Variants in STOM observed in about 807,000 individuals in gnomAD.
STOM encodes erythrocyte band 7 integral membrane protein.
A neutral mutation model predicts 30.6 loss-of-function variants in STOM; 25 were observed. The ratio of observed to expected loss-of-function variants is 0.82; its 90% confidence interval spans 0.60 to 1.14. The LOEUF (loss-of-function observed/expected upper bound fraction) is 1.14. Ranked by LOEUF, STOM falls within the 50% of genes most tolerant of loss-of-function variation. STOM has a pLI of 0.00. For missense variants in STOM, 292 were observed against 365.2 expected, an observed-to-expected ratio of 0.80 and a Z score of 1.63; for synonymous variants, 118 against 130.8, an observed-to-expected ratio of 0.90 and a Z score of 0.67.
At chr9:121,357,693 C>T (rs1263264001) in intron 1 of STOM, among the ~76,000 whole-genome samples, 2 of 151,900 alleles carry the variant, frequency 1.3e-5, no homozygotes, top group Non-Finnish European at 2.9e-5. Flanking sequence ...CCACCATGGC[C>T]TTCCAAAGTG....
chr9:121,364,757 A>G (rs959208828), intron 1 of STOM, among the ~76,000 whole-genome samples: 1 of 152,214 alleles, frequency 6.6e-6, no homozygotes, highest in Non-Finnish European at 1.5e-5. Flanking sequence ...GAGCAACAGC[A>G]ATAATTTTAA....
chr9:121,355,249 A>T (rs989243934), intron 2 of STOM, among the ~76,000 whole-genome samples: 3 of 130,084 alleles, frequency 2.3e-5, no homozygotes, highest in African/African-American at 5.9e-5. Context: ...AAAAAAAAAA[A>T]ATAATAATAA....
Position 121,339,457 on chromosome 9 carries a change from G to T in STOM, c.*1745C>A. 1 of 1,059,284 alleles carries T rather than the reference G, an allele frequency of 9.4e-7. No individual in the cohort carries two copies. Among genetic ancestry groups the T allele is most frequent in the Non-Finnish European group, 1.2e-6 (1 of 834,762 alleles). 65.6% of individuals were successfully genotyped at this position (1,059,284 alleles called of 1,614,324 possible). ...ATACCTCTAATAAACTCAGCTAGGAGCCAGGATACATGGTAGTTCAAGGCT... is the reference window on the plus strand; with the variant it reads ...ATACCTCTAATAAACTCAGCTAGGATCCAGGATACATGGTAGTTCAAGGCT... On this transcript the variant is annotated 3_prime_UTR_variant, in exon 7 of 7. Coordinates refer to ENST00000286713, the MANE Select transcript of STOM (RefSeq NM_004099.6).
At chr9:121,354,808 A>C (rs1461130628) in intron 2 of STOM, 135 bp from the exon 3 acceptor site, 8 of 585,918 alleles carry the variant, frequency 1.4e-5, no homozygotes, top group Admixed American at 3.4e-5. Context: ...TCATATCTAT[A>C]AATCACATGT....
At chr9:121,349,818 A>T (rs1454035327) in intron 4 of STOM, among the ~76,000 whole-genome samples, 1 of 152,244 alleles carries the variant, frequency 6.6e-6, no homozygotes, top group Non-Finnish European at 1.5e-5. Context: ...TTTAAAGGGC[A>T]AGGTCAGCAT....
chr9:121,368,712 G>A (rs1023862438), intron 1 of STOM, among the ~76,000 whole-genome samples: 2 of 152,094 alleles, frequency 1.3e-5, no homozygotes, highest in East Asian at 1.9e-4. Flanking sequence ...AGGCCGAGGC[G>A]TGTGGATCAC....
chr9:121,361,040 G>A (rs969492256), intron 1 of STOM, among the ~76,000 whole-genome samples: 1 of 152,052 alleles, frequency 6.6e-6, no homozygotes, highest in Admixed American at 6.5e-5. Context: ...CCTCAAAAAG[G>A]TACACAGTAT....
chr9:121,353,479 G>A (rs2064357390), intron 3 of STOM, among the ~76,000 whole-genome samples, 177 bp from the exon 4 acceptor site: 1 of 152,168 alleles, frequency 6.6e-6, no homozygotes, highest in Non-Finnish European at 1.5e-5. Context: ...ACATTTGACT[G>A]TCTCCACTAA....
intron 5 of STOM, 32 bp from the exon 6 acceptor site, chr9:121,348,181 C>T (rs2064306591): frequency 6.2e-7 from 1 of 1,612,844 alleles, no homozygotes; most frequent in African/African-American, 1.3e-5. Flanking sequence ...AGCTAAATCT[C>T]CTCAGCCCAG....
rs2064549055 is a variant in STOM at position 121,370,047 on chromosome 9, G to A, written c.61+80C>T. Reference sequence around the variant, plus strand: ...CCGAAGCAGCGGAGACTGGCCAGGAGCCCGGCTGTCAGACCTCGGAGCGCA... The same window carrying A: ...CCGAAGCAGCGGAGACTGGCCAGGAACCCGGCTGTCAGACCTCGGAGCGCA... On this transcript the variant is annotated intron_variant, in intron 1 of 6. Transcript: ENST00000286713. The A allele has an allele frequency of 6.7e-6, 9 of 1,346,886 alleles. No homozygotes were observed. The South Asian group carries it at 7.7e-5, about 12-fold the overall frequency. The allele number at this position is 1,346,886 out of a possible 1,614,324, so 83.4% of individuals were successfully genotyped here.
intron 1 of STOM, among the ~76,000 whole-genome samples, chr9:121,360,499 G>A (rs1045792963): frequency 6.6e-6 from 1 of 152,168 alleles, no homozygotes; most frequent in Non-Finnish European, 1.5e-5. Flanking sequence ...CCGGTGGAAA[G>A]TAAAGATTAT....
chr9:121,362,994 T>C (rs2064468179), intron 1 of STOM, among the ~76,000 whole-genome samples: 3 of 152,224 alleles, frequency 2.0e-5, no homozygotes, highest in Admixed American at 6.5e-5. Context: ...CTGGAAATCA[T>C]GTGGAGTAAT....
chr9:121,360,539 T>G (rs1236923886), intron 1 of STOM, among the ~76,000 whole-genome samples: 1 of 152,240 alleles, frequency 6.6e-6, no homozygotes, highest in Non-Finnish European at 1.5e-5. Flanking sequence ...ACAGATAAAA[T>G]GATCAGTAAA....
At chr9:121,353,333 A>G in intron 3 of STOM, 31 bp from the exon 4 acceptor site, 1 of 1,451,410 alleles carries the variant, frequency 6.9e-7, no homozygotes, top group East Asian at 2.4e-5. Context: ...TTATACAGAC[A>G]CCAGCAACCT....
chr9:121,354,009 C>G (rs981710448), intron 3 of STOM, among the ~76,000 whole-genome samples: 1 of 152,102 alleles, frequency 6.6e-6, no homozygotes, highest in South Asian at 2.1e-4. Flanking sequence ...TATCTGTTTC[C>G]TTGTTGGTTC....
chr9:121,355,725 T>C (rs1015790173), intron 2 of STOM, among the ~76,000 whole-genome samples: 1 of 152,116 alleles, frequency 6.6e-6, no homozygotes, highest in Non-Finnish European at 1.5e-5. Context: ...GGTCACACAA[T>C]AAACAGTAAA....
At chr9:121,362,728 A>G in intron 1 of STOM, among the ~76,000 whole-genome samples, 1 of 152,342 alleles carries the variant, frequency 6.6e-6, no homozygotes, top group East Asian at 1.9e-4. Flanking sequence ...AAATCTGTGA[A>G]GTAGGTGTTA....
chr9:121,348,033 G>A lies in STOM; in HGVS notation c.642C>T (p.Ser214=). 10 of 1,613,990 alleles carry A rather than the reference G, an allele frequency of 6.2e-6. No individual in the cohort carries two copies. Among genetic ancestry groups the A allele is most frequent in the South Asian group, 1.1e-5 (1 of 91,058 alleles). ...QRAMAAEAEA[S]REARAKVIAA... ...AAGTTACCTTGGCGCGGGCCTCGCGGGACGCTTCTGCTTCTGCAGCCATAG... is the reference window on the plus strand; with the variant it reads ...AAGTTACCTTGGCGCGGGCCTCGCGAGACGCTTCTGCTTCTGCAGCCATAG... Residue 214 remains serine, a synonymous_variant, in exon 6 of 7, where the codon TCC becomes TCT. Transcript: ENST00000286713.
intron 1 of STOM, among the ~76,000 whole-genome samples, chr9:121,359,431 G>A (rs543058867): frequency 2.0e-5 from 3 of 152,096 alleles, no homozygotes; most frequent in African/African-American, 7.2e-5. Context: ...TAATCCTGGA[G>A]GTTTCTAAGT....
Sources: allele counts gnomAD v4.1 joint callset (sites outside exome capture counted in the v4.1 genomes callset), GRCh38; gene constraint gnomAD v4.1.1; transcripts MANE v1.5; gene names NCBI Gene and HGNC (gene_info 2026-07-23, HGNC 2026-07-21).